Variants in KL observed in about 807,000 individuals in gnomAD.
The protein encoded by KL is alpha-klotho.
Under a neutral mutation model 84.2 loss-of-function variants are expected in KL, and 62 were observed. The observed-to-expected ratio is 0.74, with a 90% CI of 0.60 to 0.91. The LOEUF (loss-of-function observed/expected upper bound fraction) is 0.91, where lower values mean the gene tolerates loss of function less well. Ranked by LOEUF, KL falls within the 40% of genes least tolerant of loss-of-function variation. The pLI, the probability that KL is intolerant of heterozygous loss-of-function variation, is 0.00. For synonymous variants in KL, 528 were observed against 528.0 expected, an observed-to-expected ratio of 1.00 and a Z score of 0.00; for missense variants, 1,261 against 1,305.7, an observed-to-expected ratio of 0.97 and a Z score of 0.53.
At position 33,065,805 on chromosome 13, in the gene KL, T is replaced by C. The variant is rs114924800; in HGVS notation, c.*1619T>C. On this transcript the variant is annotated 3_prime_UTR_variant, in exon 5 of 5. Transcript: ENST00000380099. ...TCTCAGAACCCAGAAATAGCCACTA[T>C]TAACATTTCCTACGTATTTTATTTT... 6.0e-3 allele frequency: 1,040 copies of C among 174,488 alleles called. 11 individuals are homozygous for C. The highest frequency in any genetic ancestry group is 0.024 in the African/African-American group (1,011 of 42,310). The allele number at this position is 174,488 out of a possible 1,614,324, so 10.8% of individuals were successfully genotyped here.
At chr13:33,026,773 C>A (rs902082714) in intron 1 of KL, among the ~76,000 whole-genome samples, 6 of 152,176 alleles carry the variant, frequency 3.9e-5, no homozygotes, top group African/African-American at 1.4e-4. Flanking sequence ...GAGATTGGCA[C>A]CCCCATGAGC....
chr13:33,039,300 C>T (rs1871251836), intron 1 of KL, among the ~76,000 whole-genome samples: 1 of 152,024 alleles, frequency 6.6e-6, no homozygotes. Flanking sequence ...CTATTGTTAG[C>T]CCTTTAGGTT....
chr13:33,040,577 C>G (rs1019660113), intron 1 of KL, among the ~76,000 whole-genome samples: 1 of 152,128 alleles, frequency 6.6e-6, no homozygotes, highest in Non-Finnish European at 1.5e-5. Flanking sequence ...ATTTCTTCCA[C>G]CATTGGTCTC....
In KL at chr13:33,049,441, A is replaced by G. The variant is rs767863642; in HGVS notation, c.820-4326A>G. Among the ~76,000 whole-genome samples the G allele has an allele frequency of 5.9e-5, 9 of 152,314 alleles. 1 individual carries two copies. The highest frequency in any genetic ancestry group is 6.8e-3 in the Middle Eastern group (2 of 294). ...CAGACACTTAAATAAATGCAATAATATATGGTTAAGGTCTTGGATAGAGGA... is the reference window on the plus strand; with the variant it reads ...CAGACACTTAAATAAATGCAATAATGTATGGTTAAGGTCTTGGATAGAGGA... On this transcript the variant is annotated intron_variant, in intron 1 of 4. Coordinates refer to ENST00000380099, the MANE Select transcript of KL (RefSeq NM_004795.4).
intron 1 of KL, among the ~76,000 whole-genome samples, chr13:33,020,610 G>T (rs1270363238): frequency 6.6e-6 from 1 of 152,060 alleles, no homozygotes; most frequent in Non-Finnish European, 1.5e-5. Context: ...TCTTCCAGTT[G>T]TTGGACCCCG....
chr13:33,033,093 A>G (rs1292227226), intron 1 of KL, among the ~76,000 whole-genome samples: 1 of 152,264 alleles, frequency 6.6e-6, no homozygotes, highest in Admixed American at 6.5e-5. Flanking sequence ...TCATTACATG[A>G]TAACTCAAAT....
At position 33,060,745 on chromosome 13, in the gene KL, A is replaced by G. The variant is rs1489625994; in HGVS notation, c.1666A>G (p.Arg556Gly). 1 of 1,614,210 alleles carries G rather than the reference A, an allele frequency of 6.2e-7. No individual in the cohort carries two copies. The highest frequency in any genetic ancestry group is 2.2e-5 in the East Asian group (1 of 44,892). Residue 556 changes from arginine (R) to glycine (G), a missense_variant, in exon 4 of 5, where the codon AGG (arginine) becomes GGG (glycine). Arg to Gly is a moderately radical substitution (Grantham distance 125, BLOSUM62 -2). Coordinates refer to ENST00000380099, the MANE Select transcript of KL (RefSeq NM_004795.4). ...VYLWDVHHSK[R>G]LIKVDGVVTK... ...CCTGTGGGATGTCCACCACAGTAAAAGGCTTATTAAAGTGGATGGGGTTGT... is the reference window on the plus strand; with the variant it reads ...CCTGTGGGATGTCCACCACAGTAAAGGGCTTATTAAAGTGGATGGGGTTGT...
chr13:33,030,288 T>C (rs780466781), intron 1 of KL, among the ~76,000 whole-genome samples: 5 of 152,170 alleles, frequency 3.3e-5, no homozygotes, highest in Admixed American at 6.5e-5. Context: ...CATAGCACCA[T>C]ATAATACAAT....
At chr13:33,041,879 A>G (rs76238415) in intron 1 of KL, among the ~76,000 whole-genome samples, 5,558 of 152,234 alleles carry the variant, frequency 0.037, 136 homozygotes, top group Non-Finnish European at 0.055. Context: ...TTGCCTGTCT[A>G]AACTGCCTTC....
chr13:33,024,994 T>A (rs1405487029), intron 1 of KL, among the ~76,000 whole-genome samples: 1 of 152,088 alleles, frequency 6.6e-6, no homozygotes, highest in African/African-American at 2.4e-5. Flanking sequence ...GCTCCTAACC[T>A]AGGGGGCCTT....
At chr13:33,044,580 A>T (rs1871450055) in intron 1 of KL, among the ~76,000 whole-genome samples, 2 of 147,882 alleles carry the variant, frequency 1.4e-5, no homozygotes, top group Non-Finnish European at 3.0e-5. Context: ...TGTAAGTGGC[A>T]TTGTATTTAA....
intron 1 of KL, among the ~76,000 whole-genome samples, chr13:33,038,866 T>C (rs1871234606): frequency 6.6e-6 from 1 of 152,184 alleles, no homozygotes; most frequent in Non-Finnish European, 1.5e-5. Context: ...AGTAAATAAT[T>C]TGAACTAGAA....
rs771434259 is a variant in KL at position 33,063,925 on chromosome 13, C to A, written c.2778C>A (p.Gly926=). ...ACGACCGCACAGCTCCGAGGTTTGGCCTCTATCGTTATGCTGCAGATCAGT... is the reference window on the plus strand; with the variant it reads ...ACGACCGCACAGCTCCGAGGTTTGGACTCTATCGTTATGCTGCAGATCAGT... ...SFNDRTAPRF[G]LYRYAADQFE... Residue 926 remains glycine, a synonymous_variant, in exon 5 of 5, where the codon GGC becomes GGA. Coordinates refer to ENST00000380099, the MANE Select transcript of KL (RefSeq NM_004795.4). The A allele has an allele frequency of 3.7e-6, 6 of 1,614,054 alleles. No individual in the cohort carries two copies. In the South Asian group the frequency reaches 4.4e-5, roughly 12 times the overall value.
At chr13:33,055,396 TC>T in intron 3 of KL, 81 bp downstream of exon 3, 1 of 1,574,806 alleles carries the variant, frequency 6.3e-7, no homozygotes, top group African/African-American at 1.3e-5. Flanking sequence ...AGGCTGATTG[TC>T]ATGGCACATT....
chr13:33,020,926 C>T (rs1328190180), intron 1 of KL, among the ~76,000 whole-genome samples: 4 of 152,228 alleles, frequency 2.6e-5, no homozygotes, highest in East Asian at 1.9e-4. Context: ...CCAGCTAACA[C>T]GCTCCCTTGG....
intron 1 of KL, among the ~76,000 whole-genome samples, chr13:33,021,516 T>C (rs142737387): frequency 1.7e-4 from 26 of 152,314 alleles, no homozygotes; most frequent in African/African-American, 6.3e-4. Context: ...GAGCGATTTG[T>C]CTACTGTATA....
rs748772687 is a variant in KL, at chr13:33,060,676, C to G, written c.1600-3C>G. On this transcript the variant is annotated splice_region_variant and splice_polypyrimidine_tract_variant and intron_variant, in intron 3 of 4. Transcript: ENST00000380099. ...ACGCTAATGTTTACTCTGCCCTTCA[C>G]AGGTAGATACCACTCTGTCTCAGTT... is the stretch of plus-strand genomic sequence containing the variant. 6.2e-7 allele frequency: 1 copy of G among 1,614,082 alleles called. No individual in the cohort carries two copies. Among genetic ancestry groups the G allele is most frequent in the Non-Finnish European group, 8.5e-7 (1 of 1,180,042 alleles).
Position 33,061,401 on chromosome 13 carries a change from G to A in KL, c.2322G>A (p.Met774Ile), listed in dbSNP as rs770282307. Residue 774 changes from methionine (M) to isoleucine (I), a missense_variant, in exon 4 of 5, where the codon ATG (methionine) becomes ATA (isoleucine). By Grantham distance (10) the Met-to-Ile change is conservative. Transcript: ENST00000380099. ...GCTCTGGAGATTATCCATGGGTGAT[G>A]AGGGACTGGCTGAACCAAAGAAACA... ...IFGSGDYPWV[M>I]RDWLNQRNNF... 1 of 1,614,196 alleles carries A rather than the reference G, an allele frequency of 6.2e-7. No individual in the cohort carries two copies. The highest frequency in any genetic ancestry group is 8.5e-7 in the Non-Finnish European group (1 of 1,180,032).
intron 2 of KL, 102 bp downstream of exon 2, chr13:33,054,379 T>C: frequency 3.2e-6 from 4 of 1,232,584 alleles, no homozygotes; most frequent in South Asian, 2.5e-5. Context: ...TTTTAAATCC[T>C]AATGGAGACA....
Sources: gnomAD v4.1 joint callset for allele counts (sites outside exome capture counted in the v4.1 genomes callset) on GRCh38, gnomAD v4.1.1 for gene constraint, MANE v1.5 for transcripts, NCBI Gene and HGNC (gene_info 2026-07-23, HGNC 2026-07-21) for gene names.